The following TRIO variants were observed in gnomAD, a reference collection of about 807,000 sequenced individuals.
TRIO encodes trio Rho guanine nucleotide exchange factor, also known as triple functional domain protein.
TRIO carries 58 observed loss-of-function variants against 351.9 expected under a neutral mutation model. That is an observed-to-expected ratio of 0.16 (90% confidence interval 0.13 to 0.21). TRIO has a LOEUF of 0.21. Among genes scored for constraint, TRIO ranks in the 10% least tolerant of loss-of-function variants. The probability of loss-of-function intolerance (pLI) is 1.00; values close to 1 mark genes in which losing one functional copy is unlikely to be tolerated. For missense variants in TRIO, 3,201 were observed against 4,027.8 expected (o/e 0.79, Z 5.56); for synonymous variants, 1,758 against 1,595.7 (o/e 1.10, Z -2.42).
At chr5:14,461,455 G>T (rs1753805839) in intron 35 of TRIO, 144 bp downstream of exon 35, 2 of 1,234,768 alleles carry the variant, frequency 1.6e-6, no homozygotes, top group African/African-American at 3.1e-5. Flanking sequence ...TCTCTGCTTA[G>T]CAGACTGAGA....
In TRIO at chr5:14,471,484, T is replaced by C. The variant is rs371294392; in HGVS notation, c.5912+18T>C. The C allele has an allele frequency of 5.0e-6, 8 of 1,613,466 alleles. No homozygotes were observed. In the African/African-American group the frequency reaches 1.1e-4, roughly 22 times the overall value. ...AGAAGACAGTAAGACAGAAATGTTTTCATTCTTATTGTTCTCTGGGTTCCG... is the reference window on the plus strand; with the variant it reads ...AGAAGACAGTAAGACAGAAATGTTTCCATTCTTATTGTTCTCTGGGTTCCG... On this transcript the variant is annotated intron_variant, in intron 38 of 56. Coordinates refer to ENST00000344204, the MANE Select transcript of TRIO (RefSeq NM_007118.4).
chr5:14,473,893 T>C, intron 39 of TRIO, 101 bp from the exon 40 acceptor site: 1 of 1,119,900 alleles, frequency 8.9e-7, no homozygotes, highest in Non-Finnish European at 1.3e-6. Flanking sequence ...TACAAGACAG[T>C]GCATGTGTCC....
At chr5:14,288,096 A>C (rs1323126638) in intron 4 of TRIO, among the ~76,000 whole-genome samples, 1 of 152,254 alleles carries the variant, frequency 6.6e-6, no homozygotes, top group Non-Finnish European at 1.5e-5. Context: ...AGATGAACCC[A>C]GTAAGCCTTT....
intron 18 of TRIO, among the ~76,000 whole-genome samples, chr5:14,373,844 G>A (rs1469862390): frequency 6.6e-6 from 1 of 152,160 alleles, no homozygotes; most frequent in Non-Finnish European, 1.5e-5. Context: ...AGAAATCCAG[G>A]CACAGCCCAG....
intron 34 of TRIO, among the ~76,000 whole-genome samples, chr5:14,434,503 A>G (rs922499692): frequency 2.6e-5 from 4 of 152,174 alleles, no homozygotes; most frequent in Non-Finnish European, 5.9e-5. Context: ...TTATTTTTAA[A>G]AACAATTATG....
At chr5:14,382,044 G>C (rs1162748609) in intron 21 of TRIO, among the ~76,000 whole-genome samples, 1 of 152,180 alleles carries the variant, frequency 6.6e-6, no homozygotes, top group Admixed American at 6.5e-5. Flanking sequence ...CAGAGTCTGA[G>C]TATACGTCCT....
chr5:14,449,468 G>A (rs1222073314), intron 34 of TRIO, among the ~76,000 whole-genome samples: 3 of 152,194 alleles, frequency 2.0e-5, no homozygotes, highest in African/African-American at 7.2e-5. Context: ...GACTCACTAA[G>A]ACTAGCCCAA....
intron 18 of TRIO, among the ~76,000 whole-genome samples, chr5:14,373,530 T>C (rs949399855): frequency 1.3e-5 from 2 of 152,210 alleles, no homozygotes; most frequent in Admixed American, 6.5e-5. Context: ...TTCCTTACCT[T>C]CTTTGATTTT....
intron 1 of TRIO, among the ~76,000 whole-genome samples, chr5:14,248,866 G>C (rs1380700152): frequency 1.3e-5 from 2 of 152,226 alleles, no homozygotes. Context: ...TCTAAGGAGT[G>C]TATTAACTTG....
At chr5:14,241,222 A>G (rs1487057667) in intron 1 of TRIO, among the ~76,000 whole-genome samples, 8 of 152,158 alleles carry the variant, frequency 5.3e-5, no homozygotes, top group Admixed American at 5.2e-4. Flanking sequence ...AAGTATAGAC[A>G]TTTTGGGGGG....
intron 27 of TRIO, among the ~76,000 whole-genome samples, chr5:14,392,673 A>C (rs1470275319): frequency 6.6e-6 from 1 of 152,246 alleles, no homozygotes; most frequent in Admixed American, 6.5e-5. Flanking sequence ...GTTGGAACCA[A>C]CCCAAATGCC....
chr5:14,262,438 G>C (rs1224596959), intron 1 of TRIO, among the ~76,000 whole-genome samples: 4 of 152,084 alleles, frequency 2.6e-5, no homozygotes, highest in African/African-American at 9.7e-5. Context: ...GAACCAATGA[G>C]GTTGTGGAGG....
At chr5:14,230,194 T>G (rs1469060482) in intron 1 of TRIO, among the ~76,000 whole-genome samples, 2 of 152,178 alleles carry the variant, frequency 1.3e-5, no homozygotes, top group African/African-American at 4.8e-5. Flanking sequence ...GAAGTAGAGA[T>G]TTCCTCCACT....
chr5:14,246,578 C>G (rs1452692565), intron 1 of TRIO, among the ~76,000 whole-genome samples: 1 of 152,204 alleles, frequency 6.6e-6, no homozygotes, highest in African/African-American at 2.4e-5. Flanking sequence ...GTCACTCTTT[C>G]ACCCACTGGA....
intron 1 of TRIO, among the ~76,000 whole-genome samples, chr5:14,239,435 C>G (rs373508514): frequency 2.0e-4 from 31 of 152,316 alleles, no homozygotes; most frequent in Middle Eastern, 3.4e-3. Flanking sequence ...AATACGCAAG[C>G]ACAGCAACAT....
At chr5:14,268,013 A>G (rs963920188) in intron 1 of TRIO, among the ~76,000 whole-genome samples, 5 of 152,262 alleles carry the variant, frequency 3.3e-5, no homozygotes, top group Non-Finnish European at 5.9e-5. Context: ...CTACATCGCA[A>G]TAAAAGTGAA....
intron 1 of TRIO, among the ~76,000 whole-genome samples, chr5:14,186,560 A>G (rs559337950): frequency 1.6e-4 from 24 of 151,438 alleles, no homozygotes; most frequent in African/African-American, 5.3e-4. Context: ...TGTCGTTTGC[A>G]CATTAGTGAC....
intron 1 of TRIO, among the ~76,000 whole-genome samples, chr5:14,188,027 G>A (rs768129652): frequency 2.0e-5 from 3 of 152,224 alleles, no homozygotes; most frequent in Non-Finnish European, 4.4e-5. Context: ...CAGCCGAGGA[G>A]TTAGACTAGA....
At chr5:14,505,392 TA>T (rs1561573257) in intron 55 of TRIO, among the ~76,000 whole-genome samples, 1 of 152,214 alleles carries the variant, frequency 6.6e-6, no homozygotes, top group Non-Finnish European at 1.5e-5. Flanking sequence ...TCCTCCTTTT[TA>T]GGGGGAGTCA....
Sources: allele counts gnomAD v4.1 joint callset (sites outside exome capture counted in the v4.1 genomes callset), GRCh38; gene constraint gnomAD v4.1.1; transcripts MANE v1.5; gene names NCBI Gene and HGNC (gene_info 2026-07-23, HGNC 2026-07-21).